The following ADPRH variants were observed in gnomAD, a reference collection of about 807,000 sequenced individuals.
ADPRH encodes ADP-ribose-L-arginine cleaving enzyme.
A neutral mutation model predicts 28.8 loss-of-function variants in ADPRH; 27 were observed. That is an observed-to-expected ratio of 0.94 (90% CI 0.69 to 1.29). The LOEUF is 1.29. ADPRH is among the 50% of genes most tolerant of loss of function. ADPRH has a pLI of 0.00. For missense variants in ADPRH, 419 were observed against 444.8 expected, an observed-to-expected ratio of 0.94 and a Z score of 0.52; for synonymous variants, 161 against 166.9, an observed-to-expected ratio of 0.96 and a Z score of 0.27.
At chr3:119,587,364 A>G (rs2082471558) in intron 4 of ADPRH, 100 bp from the exon 5 acceptor site, 2 of 925,036 alleles carry the variant, frequency 2.2e-6, no homozygotes, top group African/African-American at 1.7e-5. Flanking sequence ...AGCCGAAGTT[A>G]TGTTGGATTT....
rs779491843 is a variant in ADPRH, at chr3:119,586,333, A to G, written c.347A>G (p.Asn116Ser). 69 of 1,613,890 alleles carry G rather than the reference A, an allele frequency of 4.3e-5. No individual in the cohort carries two copies. Among genetic ancestry groups the G allele is most frequent in the Admixed American group, 1.3e-4 (8 of 60,006 alleles). Residue 116 changes from asparagine to serine, a missense_variant, in exon 4 of 5, where the codon AAT becomes AGT. Coordinates refer to ENST00000357003, the MANE Select transcript of ADPRH (RefSeq NM_001125.4). ...ATGCAGCTGAAGCCGGGCAAGCCCAATGGCTGGAGGATTCCCTTCAACAGC... is the reference window on the plus strand; with the variant it reads ...ATGCAGCTGAAGCCGGGCAAGCCCAGTGGCTGGAGGATTCCCTTCAACAGC... ...NAMQLKPGKPNGWRIPFNSHE... is the reference protein window; with the variant it reads ...NAMQLKPGKPSGWRIPFNSHE...
chr3:119,586,256 C>A, intron 3 of ADPRH, 29 bp from the exon 4 acceptor site: 1 of 1,611,792 alleles, frequency 6.2e-7, no homozygotes, highest in South Asian at 1.1e-5. Flanking sequence ...GTTATGCTAA[C>A]CCCCATCCCT....
rs1308480086 is a variant in ADPRH at position 119,586,396 on chromosome 3, G to A, written c.410G>A (p.Cys137Tyr). The A allele has an allele frequency of 1.9e-6, 3 of 1,614,220 alleles. No individual in the cohort carries two copies. The highest frequency in any genetic ancestry group is 1.7e-6 in the Non-Finnish European group (2 of 1,180,044). Residue 137 changes from cysteine to tyrosine, a missense_variant, in exon 4 of 5, where the codon TGC (cysteine) becomes TAC (tyrosine). Coordinates refer to ENST00000357003, the MANE Select transcript of ADPRH (RefSeq NM_001125.4). ...TGTGGGGCTGCCATGCGGGCCATGTGCATCGGTCTCAGGTTCCCACACCAT... is the reference window on the plus strand; with the variant it reads ...TGTGGGGCTGCCATGCGGGCCATGTACATCGGTCTCAGGTTCCCACACCAT... ...GGCGAAMRAM[C>Y]IGLRFPHHSQ...
At chr3:119,583,182 TC>T (rs2082424082) in intron 3 of ADPRH, among the ~76,000 whole-genome samples, 1 of 152,120 alleles carries the variant, frequency 6.6e-6, no homozygotes, top group Non-Finnish European at 1.5e-5. Flanking sequence ...TGAGCTAGGA[TC>T]GTGCCACTGC....
rs1184039537 is a variant in ADPRH at position 119,587,492 on chromosome 3, T to C, written c.688T>C (p.Tyr230His). ...WSYFQTKWEN[Y>H]LKLRGILDGE... Reference sequence around the variant, plus strand: ...CTACTTCCAAACCAAATGGGAAAATTACCTAAAACTTAGAGGGATTTTGGA... The same window carrying C: ...CTACTTCCAAACCAAATGGGAAAATCACCTAAAACTTAGAGGGATTTTGGA... The change falls in exon 5 of 5, where the codon TAC (tyrosine) becomes CAC (histidine). Residue 230 changes from tyrosine (Y) to histidine (H), a missense_variant. Tyr to His is a moderately conservative substitution (Grantham distance 83). Coordinates refer to ENST00000357003, the MANE Select transcript of ADPRH (RefSeq NM_001125.4). 1.3e-6 allele frequency: 2 copies of C among 1,557,798 alleles called. No individual in the cohort carries two copies. The highest frequency in any genetic ancestry group is 1.7e-6 in the Non-Finnish European group (2 of 1,151,696).
Position 119,579,591 on chromosome 3 carries a change from C to T in ADPRH, c.-383C>T. ...GGGCGGGCGACGGAGGTCCCGTCCA[C>T]TCTCGCTTGGGTGCAGAAGGGCGCG... On this transcript the variant is annotated 5_prime_UTR_variant, in exon 1 of 5. Transcript: ENST00000357003. 1 of 152,326 alleles carries T rather than the reference C, an allele frequency of 6.6e-6. No homozygotes were observed. The highest frequency in any genetic ancestry group is 1.5e-5 in the Non-Finnish European group (1 of 68,086). 9.4% of individuals were successfully genotyped at this position (152,326 alleles called of 1,614,324 possible).
chr3:119,588,927 T>C lies in ADPRH; in HGVS notation c.*1049T>C, dbSNP rs1039975478. On this transcript the variant is annotated 3_prime_UTR_variant, in exon 5 of 5. Transcript: ENST00000357003. ...TATGAACTAGCCTCCTAGCTCGTGC[T>C]TCCCTCATTACCCTCCAGAGTTATG... 6.6e-6 allele frequency: 1 copy of C among 152,284 alleles called. No individual in the cohort carries two copies. The highest frequency in any genetic ancestry group is 2.4e-5 in the African/African-American group (1 of 41,480). 9.4% of individuals were successfully genotyped at this position (152,284 alleles called of 1,614,324 possible).
In ADPRH at chr3:119,582,119, A is replaced by G; in HGVS notation, c.-36-15A>G. The G allele has an allele frequency of 7.7e-7, 1 of 1,302,914 alleles. No homozygotes were observed. Among genetic ancestry groups the G allele is most frequent in the South Asian group, 1.3e-5 (1 of 74,544 alleles). 80.7% of individuals were successfully genotyped at this position (1,302,914 alleles called of 1,614,324 possible). On this transcript the variant is annotated splice_polypyrimidine_tract_variant and intron_variant, in intron 2 of 4. Coordinates refer to ENST00000357003, the MANE Select transcript of ADPRH (RefSeq NM_001125.4). ...CTCCTCATCCTATTTCCTTTGTCTTAATTTCCCCACAAAGACACCCTCTCC... is the reference window on the plus strand; with the variant it reads ...CTCCTCATCCTATTTCCTTTGTCTTGATTTCCCCACAAAGACACCCTCTCC...
chr3:119,583,728 A>G (rs1222631202), intron 3 of ADPRH, among the ~76,000 whole-genome samples: 1 of 152,178 alleles, frequency 6.6e-6, no homozygotes, highest in African/African-American at 2.4e-5. Flanking sequence ...CCTGGGCAAC[A>G]TAGCAAAAGC....
chr3:119,586,609 A>G lies in ADPRH; in HGVS notation c.623A>G (p.Gln208Arg). 1.9e-6 allele frequency: 3 copies of G among 1,614,118 alleles called. No homozygotes were observed. Among genetic ancestry groups the G allele is most frequent in the Non-Finnish European group, 2.5e-6 (3 of 1,180,002 alleles). The stretch of plus-strand genomic sequence containing the variant: ...CCAGAAGCTAAAAAGTACATTGTCC[A>G]ATCAGGCTACTTTGTAGAGGAAAAT... The part of the protein sequence containing the change: ...LLPEAKKYIV[Q>R]SGYFVEENLQ... Residue 208 changes from glutamine to arginine, a missense_variant, in exon 4 of 5, where the codon CAA (glutamine) becomes CGA (arginine). Transcript: ENST00000357003.
At chr3:119,582,588 AAT>A in intron 3 of ADPRH, 121 bp downstream of exon 3, 1 of 1,192,428 alleles carries the variant, frequency 8.4e-7, no homozygotes, top group Non-Finnish European at 1.2e-6. Flanking sequence ...ATGTGATAAA[AAT>A]AGAAATAACG....
Position 119,584,744 on chromosome 3 carries a change from C to T in ADPRH, c.299-1541C>T, listed in dbSNP as rs148794524. On this transcript the variant is annotated intron_variant, in intron 3 of 4. Coordinates refer to ENST00000357003, the MANE Select transcript of ADPRH (RefSeq NM_001125.4). ...GGCTGCCATAACAAAATGGCATAGACTGAGTGGCTGAAACAATGGAAATTT... is the reference window on the plus strand; with the variant it reads ...GGCTGCCATAACAAAATGGCATAGATTGAGTGGCTGAAACAATGGAAATTT... Among the ~76,000 whole-genome samples the T allele has an allele frequency of 1.8e-3, 271 of 152,326 alleles. 1 individual carries two copies. Among genetic ancestry groups the T allele is most frequent in the African/African-American group, 6.1e-3 (254 of 41,560 alleles).
At chr3:119,587,104 A>G (rs2082469282) in intron 4 of ADPRH, among the ~76,000 whole-genome samples, 1 of 152,264 alleles carries the variant, frequency 6.6e-6, no homozygotes, top group Non-Finnish European at 1.5e-5. Context: ...CTTAGAATAA[A>G]AAGAGGCTTT....
chr3:119,581,293 C>T lies in ADPRH; in HGVS notation c.-37+657C>T, dbSNP rs1372780691. 2.6e-5 allele frequency among the ~76,000 whole-genome samples: 4 copies of T among 152,266 alleles called. No homozygotes were observed. The East Asian group carries it at 5.8e-4, about 22-fold the overall frequency. ...CTGTTGGCCAGGCTGGTCTCGATCT[C>T]CTGACCTCAGATGAGCCACCCACCT... On this transcript the variant is annotated intron_variant, in intron 2 of 4. Transcript: ENST00000357003.
chr3:119,583,510 T>G (rs919990378), intron 3 of ADPRH, among the ~76,000 whole-genome samples: 2 of 152,136 alleles, frequency 1.3e-5, no homozygotes, highest in African/African-American at 4.8e-5. Flanking sequence ...TAAATATTAA[T>G]AAAAATTTAA....
Position 119,582,191 on chromosome 3 carries a change from A to G in ADPRH, c.22A>G (p.Met8Val), listed in dbSNP as rs772786039. 5.0e-6 allele frequency: 8 copies of G among 1,610,320 alleles called. No homozygotes were observed. The highest frequency in any genetic ancestry group is 1.1e-5 in the South Asian group (1 of 90,828). ...ACTGATGGAGAAGTATGTGGCTGCT[A>G]TGGTGCTGAGTGCAGCTGGAGATGC... MEKYVAA[M>V]VLSAAGDALG... The change falls in exon 3 of 5, where the codon ATG becomes GTG. Residue 8 changes from methionine to valine, a missense_variant. Coordinates refer to ENST00000357003, the MANE Select transcript of ADPRH (RefSeq NM_001125.4).
rs750439969 is a variant in ADPRH at position 119,582,221 on chromosome 3, G to A, written c.52G>A (p.Gly18Arg). ...GCTGAGTGCAGCTGGAGATGCCCTGGGGTACTACAATGGGAAGTGGGAGTT... is the reference window on the plus strand; with the variant it reads ...GCTGAGTGCAGCTGGAGATGCCCTGAGGTACTACAATGGGAAGTGGGAGTT... ...MVLSAAGDAL[G>R]YYNGKWEFLQ... The change falls in exon 3 of 5, where the codon GGG (glycine) becomes AGG (arginine). Residue 18 changes from glycine (G) to arginine (R), a missense_variant. Physicochemically the swap from Gly to Arg is moderately radical, Grantham distance 125. Transcript: ENST00000357003. 6.2e-7 allele frequency: 1 copy of A among 1,614,154 alleles called. No homozygotes were observed. The highest frequency in any genetic ancestry group is 1.1e-5 in the South Asian group (1 of 91,084).
At chr3:119,584,087 CT>C (rs1269850656) in intron 3 of ADPRH, among the ~76,000 whole-genome samples, 3 of 151,128 alleles carry the variant, frequency 2.0e-5, no homozygotes, top group African/African-American at 2.4e-5. Flanking sequence ...CAAAAAAAAA[CT>C]TTTTTTTAAA....
At position 119,586,438 on chromosome 3, in the gene ADPRH, T is replaced by C; in HGVS notation, c.452T>C (p.Leu151Pro). 1 of 1,614,222 alleles carries C rather than the reference T, an allele frequency of 6.2e-7. No homozygotes were observed. The highest frequency in any genetic ancestry group is 8.5e-7 in the Non-Finnish European group (1 of 1,180,036). The change falls in exon 4 of 5, where the codon CTG (leucine) becomes CCG (proline). Residue 151 changes from leucine (L) to proline (P), a missense_variant. Transcript: ENST00000357003. ...RFPHHSQLDT[L>P]IQVSIESGRM... ...CCACACCATAGCCAACTGGACACACTGATCCAAGTGAGCATCGAGAGTGGT... is the reference window on the plus strand; with the variant it reads ...CCACACCATAGCCAACTGGACACACCGATCCAAGTGAGCATCGAGAGTGGT...
Sources: gnomAD v4.1 joint callset for allele counts (sites outside exome capture counted in the v4.1 genomes callset) on GRCh38, gnomAD v4.1.1 for gene constraint, MANE v1.5 for transcripts, NCBI Gene and HGNC (gene_info 2026-07-23, HGNC 2026-07-21) for gene names.